LAPTM5: variants seen among roughly 807,000 people sequenced by gnomAD.
The protein encoded by LAPTM5 is lysosomal protein transmembrane 5.
LAPTM5 carries 11 observed loss-of-function variants against 30.1 expected under a neutral mutation model. The observed-to-expected ratio is 0.37, with a 90% CI of 0.23 to 0.60. The LOEUF (loss-of-function observed/expected upper bound fraction) is 0.60. Among genes scored for constraint, LAPTM5 ranks in the 20% least tolerant of loss-of-function variants. The pLI, the probability that LAPTM5 is intolerant of heterozygous loss-of-function variation, is 0.71. For synonymous variants in LAPTM5, 151 were observed against 137.9 expected, an observed-to-expected ratio of 1.10 and a Z score of -0.67; for missense variants, 324 against 332.5, an observed-to-expected ratio of 0.97 and a Z score of 0.20.
In LAPTM5 at chr1:30,733,876, C is replaced by T. The variant is rs1436527642; in HGVS notation, c.741G>A (p.Ser247=). 9.9e-6 allele frequency: 16 copies of T among 1,610,870 alleles called. No homozygotes were observed. The highest frequency in any genetic ancestry group is 3.3e-5 in the South Asian group (3 of 90,864). ...PSYEEALSLP[S]KTPEGGPAPP... ...GTGCTGGGCCCCCCTCTGGGGTCTT[C>T]GATGGCAAAGACAGGGCTTCCTCGT... Residue 247 remains serine, a synonymous_variant, in exon 8 of 8, where the codon TCG becomes TCA. Coordinates refer to ENST00000294507, the MANE Select transcript of LAPTM5 (RefSeq NM_006762.3).
intron 6 of LAPTM5, 146 bp downstream of exon 6, chr1:30,737,458 T>C (rs374760602): frequency 1.2e-5 from 7 of 590,758 alleles, no homozygotes; most frequent in South Asian, 4.3e-5. Context: ...GGAGCTGGCA[T>C]GGGAAAGCAA....
intron 1 of LAPTM5, among the ~76,000 whole-genome samples, chr1:30,752,388 C>T (rs1267442764): frequency 2.0e-5 from 3 of 152,160 alleles, no homozygotes; most frequent in African/African-American, 7.2e-5. Flanking sequence ...CCCTGGGGAC[C>T]TCTCCACCCT....
intron 6 of LAPTM5, among the ~76,000 whole-genome samples, chr1:30,736,631 T>TG (rs1639889003): frequency 6.6e-6 from 1 of 151,938 alleles, no homozygotes; most frequent in Non-Finnish European, 1.5e-5. Context: ...AGACAGAATC[T>TG]TGCTATGTTG....
intron 1 of LAPTM5, among the ~76,000 whole-genome samples, chr1:30,751,799 G>A (rs1044639219): frequency 6.6e-6 from 1 of 152,164 alleles, no homozygotes; most frequent in Non-Finnish European, 1.5e-5. Context: ...GCACTCACCT[G>A]CTAGCCCTCC....
rs748945466 is a variant in LAPTM5 at position 30,739,874 on chromosome 1, G to T, written c.322C>A (p.Leu108Ile). 6.2e-7 allele frequency: 1 copy of T among 1,608,226 alleles called. No individual in the cohort carries two copies. The highest frequency in any genetic ancestry group is 1.7e-5 in the Admixed American group (1 of 59,166). ...LQIMDYLLCL[L>I]TLLGSYIELP... ...TCAATGTAGGAGCCCAGCAGGGTGAGCAGGCACAGGAGATAGTCCATGATT... is the reference window on the plus strand; with the variant it reads ...TCAATGTAGGAGCCCAGCAGGGTGATCAGGCACAGGAGATAGTCCATGATT... The change falls in exon 4 of 8, where the codon CTC becomes ATC. Residue 108 changes from leucine to isoleucine, a missense_variant. Physicochemically the swap from Leu to Ile is conservative, Grantham distance 5 (BLOSUM62 2). Coordinates refer to ENST00000294507, the MANE Select transcript of LAPTM5 (RefSeq NM_006762.3). The surrounding 1 kb of genome is among the most constrained non-coding windows in gnomAD (Gnocchi z 4.2).
intron 1 of LAPTM5, among the ~76,000 whole-genome samples, chr1:30,751,294 GCA>G (rs1557468133): frequency 6.6e-6 from 1 of 152,238 alleles, no homozygotes; most frequent in African/African-American, 2.4e-5. Flanking sequence ...TCCGTGAAGC[GCA>G]CAGAGCTGCA....
intron 1 of LAPTM5, among the ~76,000 whole-genome samples, chr1:30,749,514 A>G (rs550242995): frequency 6.6e-6 from 1 of 152,242 alleles, no homozygotes; most frequent in African/African-American, 2.4e-5. Context: ...AATCAAATAG[A>G]GATTGGCTGG....
At chr1:30,750,860 A>C (rs1279493275) in intron 1 of LAPTM5, among the ~76,000 whole-genome samples, 2 of 152,236 alleles carry the variant, frequency 1.3e-5, no homozygotes, top group Non-Finnish European at 2.9e-5. Flanking sequence ...GAGGAAATTG[A>C]GGCTGGGGGA....
intron 7 of LAPTM5, among the ~76,000 whole-genome samples, chr1:30,734,530 C>T (rs1639859762): frequency 6.6e-6 from 1 of 152,246 alleles, no homozygotes; most frequent in African/African-American, 2.4e-5. Flanking sequence ...GCCAGACCTA[C>T]ATTTGGCTGC....
rs536709963 is a variant in LAPTM5, at chr1:30,746,594, C to T, written c.88-4045G>A. On this transcript the variant is annotated intron_variant, in intron 1 of 7. Transcript: ENST00000294507. The surrounding 1 kb of genome is among the most constrained non-coding windows in gnomAD (Gnocchi z 4.0). ...CAGGTACAAGGCTTCTCTCCCCCAACAATGCGCAGGCAGACAGCATGCCCT... is the reference window on the plus strand; with the variant it reads ...CAGGTACAAGGCTTCTCTCCCCCAATAATGCGCAGGCAGACAGCATGCCCT... Among the ~76,000 whole-genome samples the T allele has an allele frequency of 3.6e-4, 55 of 152,382 alleles. No homozygotes were observed. The highest frequency in any genetic ancestry group is 1.3e-3 in the African/African-American group (53 of 41,596).
Position 30,733,358 on chromosome 1 carries a change from G to A in LAPTM5, c.*470C>T, listed in dbSNP as rs752103634. The stretch of plus-strand genomic sequence containing the variant: ...TGATTACATATATTTATATATAGGG[G>A]GTAACTAATTAATGATTACTTGATT... On this transcript the variant is annotated 3_prime_UTR_variant, in exon 8 of 8. Coordinates refer to ENST00000294507, the MANE Select transcript of LAPTM5 (RefSeq NM_006762.3). The A allele has an allele frequency of 3.0e-6, 1 of 335,846 alleles. No homozygotes were observed. The allele number at this position is 335,846 out of a possible 1,614,324, so 20.8% of individuals were successfully genotyped here.
At chr1:30,747,277 C>G (rs1427978205) in intron 1 of LAPTM5, among the ~76,000 whole-genome samples, 1 of 152,194 alleles carries the variant, frequency 6.6e-6, no homozygotes, top group Non-Finnish European at 1.5e-5. Flanking sequence ...GTTTCAGTCC[C>G]TTCAGGGAAA....
rs769318025 is a variant in LAPTM5 at position 30,733,617 on chromosome 1, C to T, written c.*211G>A. The T allele has an allele frequency of 6.5e-7, 1 of 1,530,860 alleles. No individual in the cohort carries two copies. Among genetic ancestry groups the T allele is most frequent in the South Asian group, 1.2e-5 (1 of 83,174 alleles). 94.8% of individuals were successfully genotyped at this position (1,530,860 alleles called of 1,614,324 possible). On this transcript the variant is annotated 3_prime_UTR_variant, in exon 8 of 8. Transcript: ENST00000294507. Reference sequence around the variant, plus strand: ...TTGTTGGGCTGAATTATGGAGAGACCCGAGGAGTGACTCAGCCTAAAGCGT... The same window carrying T: ...TTGTTGGGCTGAATTATGGAGAGACTCGAGGAGTGACTCAGCCTAAAGCGT...
chr1:30,739,870 G>A lies in LAPTM5; in HGVS notation c.326C>T (p.Thr109Ile). ...CAGCTCAATGTAGGAGCCCAGCAGG[G>A]TGAGCAGGCACAGGAGATAGTCCAT... is the stretch of plus-strand genomic sequence containing the variant. ...QIMDYLLCLL[T>I]LLGSYIELPA... Residue 109 changes from threonine (T) to isoleucine (I), a missense_variant, in exon 4 of 8, where the codon ACC becomes ATC. Coordinates refer to ENST00000294507, the MANE Select transcript of LAPTM5 (RefSeq NM_006762.3). The surrounding 1 kb of genome is among the most constrained non-coding windows in gnomAD (Gnocchi z 4.2). The A allele has an allele frequency of 1.9e-6, 3 of 1,608,558 alleles. No homozygotes were observed. The highest frequency in any genetic ancestry group is 2.5e-6 in the Non-Finnish European group (3 of 1,177,174).
rs547316261 is a variant in LAPTM5 at position 30,742,441 on chromosome 1, G to A, written c.181+15C>T. ...CTCCTCCCCCCGCCACTCCACCGGC[G>A]TCCCCTGGACCTACCGATCCTGAGG... On this transcript the variant is annotated intron_variant, in intron 2 of 7. Transcript: ENST00000294507. The A allele has an allele frequency of 2.1e-5, 34 of 1,600,884 alleles. No homozygotes were observed. Among genetic ancestry groups the A allele is most frequent in the South Asian group, 6.6e-5 (6 of 90,248 alleles).
rs1293939048 is a variant in LAPTM5 at position 30,742,528 on chromosome 1, T to C, written c.109A>G (p.Ile37Val). 1.9e-6 allele frequency: 3 copies of C among 1,613,498 alleles called. No homozygotes were observed. Among genetic ancestry groups the C allele is most frequent in the Non-Finnish European group, 1.7e-6 (2 of 1,179,912 alleles). Residue 37 changes from isoleucine (I) to valine (V), a missense_variant, in exon 2 of 8, where the codon ATC (isoleucine) becomes GTC (valine). By Grantham distance (29) the Ile-to-Val change is conservative. Coordinates refer to ENST00000294507, the MANE Select transcript of LAPTM5 (RefSeq NM_006762.3). ...TGGGCCACCTCTACTGAGTGCTCGA[T>C]GAACAACAAGACGCTCATGATCTGG... The part of the protein sequence containing the change: ...YHVIMSVLLF[I>V]EHSVEVAHGK...
chr1:30,750,675 C>T (rs1456818287), intron 1 of LAPTM5, among the ~76,000 whole-genome samples: 1 of 152,216 alleles, frequency 6.6e-6, no homozygotes, highest in African/African-American at 2.4e-5. Context: ...AGGAAGGCTG[C>T]CTTCCCTGCC....
intron 5 of LAPTM5, 60 bp downstream of exon 5, chr1:30,738,880 A>T (rs1639926538): frequency 6.5e-7 from 1 of 1,538,740 alleles, no homozygotes; most frequent in East Asian, 2.4e-5. Context: ...AGAGACGTGA[A>T]GTAACCTGTT....
Position 30,757,751 on chromosome 1 carries a change from T to C in LAPTM5, c.-6A>G. 7 of 1,612,864 alleles carry C rather than the reference T, an allele frequency of 4.3e-6. No homozygotes were observed. Among genetic ancestry groups the C allele is most frequent in the Non-Finnish European group, 5.1e-6 (6 of 1,179,636 alleles). On this transcript the variant is annotated 5_prime_UTR_variant, in exon 1 of 8. Transcript: ENST00000294507. The stretch of plus-strand genomic sequence containing the variant: ...GTGGACAAGCGGGGGTCCATGGTGC[T>C]GCCGTCCCCTCCTCTGAGACACTGA...
Sources: gnomAD v4.1 joint callset for allele counts (sites outside exome capture counted in the v4.1 genomes callset) on GRCh38, gnomAD v4.1.1 for gene constraint, Gnocchi (gnomAD v3.1) non-coding constraint, MANE v1.5 for transcripts, NCBI Gene and HGNC (gene_info 2026-07-23, HGNC 2026-07-21) for gene names.